ENOX1: variants seen among roughly 807,000 people sequenced by gnomAD.
The protein encoded by ENOX1 is candidate growth-related and time keeping constitutive hydroquinone (NADH) oxidase.
In ENOX1, 42 loss-of-function variants were observed where a neutral mutation model predicts 82.5. The observed-to-expected ratio is 0.51, with a 90% confidence interval of 0.40 to 0.66. The LOEUF is 0.66. ENOX1 is among the 30% of genes least tolerant of loss of function. The pLI, the probability that ENOX1 is intolerant of heterozygous loss-of-function variation, is 0.00. For synonymous variants in ENOX1, 271 were observed against 282.2 expected (o/e 0.96, Z 0.40); for missense variants, 608 against 811.6 (o/e 0.75, Z 3.05).
chr13:43,523,186 G>A (rs1018154768), intron 2 of ENOX1, among the ~76,000 whole-genome samples: 4 of 152,236 alleles, frequency 2.6e-5, no homozygotes, highest in South Asian at 2.1e-4. Flanking sequence ...AGGACTACTT[G>A]CATCAGAATA....
At chr13:43,350,466 A>G (rs763608084) in intron 8 of ENOX1, among the ~76,000 whole-genome samples, 3 of 152,176 alleles carry the variant, frequency 2.0e-5, no homozygotes, top group Non-Finnish European at 4.4e-5. Flanking sequence ...TGTTTTTGAG[A>G]TGGAGTTTTG....
Position 43,483,263 on chromosome 13 carries a change from T to G in ENOX1, c.-75+746A>C, listed in dbSNP as rs139192334. Among the ~76,000 whole-genome samples the G allele has an allele frequency of 1.1e-3, 172 of 152,338 alleles. 1 individual carries two copies. The highest frequency in any genetic ancestry group is 3.3e-3 in the African/African-American group (138 of 41,582). ...CCTATATCCTGTTTCCTTTTCCAGC[T>G]TTGAAAGATGCATGGACTGAATTTA... On this transcript the variant is annotated intron_variant, in intron 3 of 16. Transcript: ENST00000690772.
chr13:43,596,374 A>T (rs773047473), intron 2 of ENOX1, among the ~76,000 whole-genome samples: 1 of 152,234 alleles, frequency 6.6e-6, no homozygotes, highest in Non-Finnish European at 1.5e-5. Context: ...AATAATACTC[A>T]TATGTAGAAA....
intron 2 of ENOX1, among the ~76,000 whole-genome samples, chr13:43,651,753 T>A (rs1253880128): frequency 1.3e-5 from 2 of 148,462 alleles, no homozygotes; most frequent in Non-Finnish European, 3.0e-5. Flanking sequence ...TGGGCAGATC[T>A]CTTGAGAGGT....
intron 3 of ENOX1, among the ~76,000 whole-genome samples, chr13:43,415,707 C>A (rs1354134527): frequency 6.6e-6 from 1 of 151,862 alleles, no homozygotes; most frequent in East Asian, 1.9e-4. Context: ...TCCCCCTTTT[C>A]TTTTTGACAA....
At chr13:43,428,437 C>T (rs1341129959) in intron 3 of ENOX1, among the ~76,000 whole-genome samples, 4 of 152,084 alleles carry the variant, frequency 2.6e-5, no homozygotes, top group Non-Finnish European at 4.4e-5. Flanking sequence ...GTCCATTCTC[C>T]CCATGTCAAC....
chr13:43,738,255 T>C (rs2089726802), intron 1 of ENOX1, among the ~76,000 whole-genome samples: 1 of 152,086 alleles, frequency 6.6e-6, no homozygotes, highest in Non-Finnish European at 1.5e-5. Context: ...TTTAAACATG[T>C]CTTTAAACAG....
At chr13:43,563,313 A>G (rs1444373032) in intron 2 of ENOX1, among the ~76,000 whole-genome samples, 1 of 152,188 alleles carries the variant, frequency 6.6e-6, no homozygotes, top group Non-Finnish European at 1.5e-5. Flanking sequence ...AATGATTAAG[A>G]AGGAAATTGA....
At chr13:43,660,905 A>G (rs2084686246) in intron 2 of ENOX1, among the ~76,000 whole-genome samples, 1 of 152,176 alleles carries the variant, frequency 6.6e-6, no homozygotes, top group Non-Finnish European at 1.5e-5. Flanking sequence ...GGGAAAAAAA[A>G]GCTCTTCTGC....
intron 2 of ENOX1, among the ~76,000 whole-genome samples, chr13:43,644,567 CAAAT>C (rs1255529523): frequency 6.6e-6 from 1 of 152,158 alleles, no homozygotes; most frequent in African/African-American, 2.4e-5. Context: ...TGAAAGTAAT[CAAAT>C]AAACTTTATA....
chr13:43,342,783 A>G (rs892316369), intron 9 of ENOX1, among the ~76,000 whole-genome samples: 3 of 152,234 alleles, frequency 2.0e-5, no homozygotes, highest in African/African-American at 7.2e-5. Context: ...GGTAATACCA[A>G]AAAGTATTTG....
chr13:43,221,971 G>C (rs2041813320), intron 16 of ENOX1, among the ~76,000 whole-genome samples: 1 of 152,152 alleles, frequency 6.6e-6, no homozygotes, highest in Non-Finnish European at 1.5e-5. Flanking sequence ...AGCAGTTTTA[G>C]AGTACTTTTT....
chr13:43,556,664 G>T (rs1477332951), intron 2 of ENOX1, among the ~76,000 whole-genome samples: 2 of 151,158 alleles, frequency 1.3e-5, no homozygotes, highest in African/African-American at 4.9e-5. Context: ...AGACACTTGA[G>T]TATCATGCTT....
chr13:43,290,034 A>G (rs967578966), intron 12 of ENOX1, among the ~76,000 whole-genome samples: 1 of 152,256 alleles, frequency 6.6e-6, no homozygotes, highest in Non-Finnish European at 1.5e-5. Flanking sequence ...ATACCATCTC[A>G]CACCAGTCAG....
In ENOX1 at chr13:43,386,275, A is replaced by G. The variant is rs2052404986; in HGVS notation, c.209-24823T>C. 2.0e-5 allele frequency among the ~76,000 whole-genome samples: 3 copies of G among 152,238 alleles called. No homozygotes were observed. The South Asian group carries it at 6.2e-4, about 31-fold the overall frequency. On this transcript the variant is annotated intron_variant, in intron 5 of 16. Coordinates refer to ENST00000690772, the MANE Select transcript of ENOX1 (RefSeq NM_001347969.2). ...GGAAGAGACAGGATTCATGTTACAC[A>G]TCCCTCTGTGTCCTTACAGGGATGT...
chr13:43,519,641 C>T (rs1463454970), intron 2 of ENOX1, among the ~76,000 whole-genome samples: 1 of 152,094 alleles, frequency 6.6e-6, no homozygotes, highest in Non-Finnish European at 1.5e-5. Context: ...CAAACTGGGC[C>T]ACCCAAAGAC....
chr13:43,541,738 C>T (rs1210588246), intron 2 of ENOX1, among the ~76,000 whole-genome samples: 1 of 152,148 alleles, frequency 6.6e-6, no homozygotes, highest in Admixed American at 6.5e-5. Flanking sequence ...TCGAGTACCG[C>T]TGCTTTCAAA....
At chr13:43,278,208 G>T (rs1214525148) in intron 12 of ENOX1, among the ~76,000 whole-genome samples, 1 of 152,052 alleles carries the variant, frequency 6.6e-6, no homozygotes, top group Non-Finnish European at 1.5e-5. Flanking sequence ...AGCATATTCT[G>T]TTGCTTACCC....
intron 14 of ENOX1, among the ~76,000 whole-genome samples, chr13:43,238,688 A>T (rs1349655381): frequency 6.6e-6 from 1 of 152,170 alleles, no homozygotes; most frequent in Non-Finnish European, 1.5e-5. Flanking sequence ...TTGCATCATT[A>T]AAAAAATACA....
Sources: gnomAD v4.1 joint callset for allele counts (sites outside exome capture counted in the v4.1 genomes callset) on GRCh38, gnomAD v4.1.1 for gene constraint, MANE v1.5 for transcripts, NCBI Gene and HGNC (gene_info 2026-07-23, HGNC 2026-07-21) for gene names.